Variants in CUBN observed in about 807,000 individuals in gnomAD.
The protein encoded by CUBN is 460 kDa receptor.
Under a neutral mutation model 405.3 loss-of-function variants are expected in CUBN, and 282 were observed. The ratio of observed to expected loss-of-function variants is 0.70; its 90% confidence interval spans 0.63 to 0.77. The LOEUF (loss-of-function observed/expected upper bound fraction) is 0.77, where lower values mean the gene tolerates loss of function less well. CUBN is among the 30% of genes least tolerant of loss of function. The pLI is 0.00. For synonymous variants in CUBN, 1,684 were observed against 1,617.0 expected (o/e 1.04, Z -0.99); for missense variants, 4,514 against 4,475.2 (o/e 1.01, Z -0.25).
intron 31 of CUBN, among the ~76,000 whole-genome samples, chr10:16,976,163 G>C (rs1833086717): frequency 6.6e-6 from 1 of 151,372 alleles, no homozygotes; most frequent in Non-Finnish European, 1.5e-5. Flanking sequence ...GTAGAGACAG[G>C]GTCTCACTAC....
At position 17,027,358 on chromosome 10, in the gene CUBN, A is replaced by G. The variant is rs190970585; in HGVS notation, c.4018-7375T>C. 7.2e-4 allele frequency among the ~76,000 whole-genome samples: 110 copies of G among 152,336 alleles called. 1 individual carries two copies. The East Asian group carries it at 0.017, about 23-fold the overall frequency. On this transcript the variant is annotated intron_variant, in intron 27 of 66. Coordinates refer to ENST00000377833, the MANE Select transcript of CUBN (RefSeq NM_001081.4). ...TAATAAATAACATGGGGAAATAGTC[A>G]CAAGCTATTGTTAGGTGAAAAAAGT... is the stretch of plus-strand genomic sequence containing the variant.
chr10:17,037,925 T>G lies in CUBN; in HGVS notation c.4017+3108A>C, dbSNP rs1834933441. On this transcript the variant is annotated intron_variant, in intron 27 of 66. Coordinates refer to ENST00000377833, the MANE Select transcript of CUBN (RefSeq NM_001081.4). ...CTCTCTCGACTGCTCTTCCCTTGGC[T>G]CCCATGACACAGTCACCTTTTTTTT... is the stretch of plus-strand genomic sequence containing the variant. Among the ~76,000 whole-genome samples, 2 of 144,224 alleles carry G rather than the reference T, an allele frequency of 1.4e-5. 1 individual carries two copies. Among genetic ancestry groups the G allele is most frequent in the South Asian group, 4.4e-4 (2 of 4,570 alleles). 94.6% of individuals were successfully genotyped at this position (144,224 alleles called of 152,430 possible).
intron 51 of CUBN, among the ~76,000 whole-genome samples, 162 bp from the exon 52 acceptor site, chr10:16,901,621 A>T (rs977168901): frequency 1.3e-5 from 2 of 152,110 alleles, no homozygotes; most frequent in African/African-American, 4.8e-5. Flanking sequence ...TGGGAGGCCG[A>T]AGTGGGCAAA....
chr10:17,103,675 T>C (rs1836552111), intron 12 of CUBN, among the ~76,000 whole-genome samples: 1 of 152,212 alleles, frequency 6.6e-6, no homozygotes, highest in African/African-American at 2.4e-5. Context: ...GTCCTAAACA[T>C]ATAACAACAA....
At chr10:17,116,615 G>C (rs988646479) in intron 6 of CUBN, among the ~76,000 whole-genome samples, 3 of 152,240 alleles carry the variant, frequency 2.0e-5, no homozygotes, top group African/African-American at 7.2e-5. Context: ...ATTTTAACAA[G>C]ACACAGTGAG....
intron 31 of CUBN, among the ~76,000 whole-genome samples, chr10:16,978,662 C>G (rs1833170292): frequency 1.3e-5 from 2 of 152,120 alleles, no homozygotes; most frequent in African/African-American, 4.8e-5. Context: ...AGGAAACTAT[C>G]AGGACACTAA....
chr10:17,009,921 C>T (rs1300797541), intron 28 of CUBN, among the ~76,000 whole-genome samples: 1 of 152,240 alleles, frequency 6.6e-6, no homozygotes, highest in East Asian at 1.9e-4. Context: ...CTTTCAACAT[C>T]TCAGAAGGAT....
At chr10:17,023,894 T>C (rs1834577503) in intron 27 of CUBN, among the ~76,000 whole-genome samples, 1 of 152,206 alleles carries the variant, frequency 6.6e-6, no homozygotes, top group Non-Finnish European at 1.5e-5. Context: ...GAGATGTGTA[T>C]ATTACAAAAC....
intron 4 of CUBN, among the ~76,000 whole-genome samples, chr10:17,124,991 C>T (rs936709076): frequency 6.6e-6 from 1 of 152,010 alleles, no homozygotes; most frequent in African/African-American, 2.4e-5. Context: ...CCCACTACGC[C>T]TGGCTAATTT....
chr10:16,870,714 C>T (rs1408489117), intron 58 of CUBN, among the ~76,000 whole-genome samples: 1 of 152,182 alleles, frequency 6.6e-6, no homozygotes, highest in Non-Finnish European at 1.5e-5. Flanking sequence ...CCATGCCAGG[C>T]CACACTGAAC....
chr10:17,016,036 C>T lies in CUBN; in HGVS notation c.4168+3797G>A, dbSNP rs114151743. ...ATGCCTCCAGATTTTGTTCAGGACCCAGGGCTCGCTTCTGGAGCCCTCTCC... is the reference window on the plus strand; with the variant it reads ...ATGCCTCCAGATTTTGTTCAGGACCTAGGGCTCGCTTCTGGAGCCCTCTCC... On this transcript the variant is annotated intron_variant, in intron 28 of 66. Coordinates refer to ENST00000377833, the MANE Select transcript of CUBN (RefSeq NM_001081.4). Among the ~76,000 whole-genome samples the T allele has an allele frequency of 8.5e-3, 1,292 of 152,254 alleles. 15 individuals are homozygous for T. The highest frequency in any genetic ancestry group is 0.029 in the African/African-American group (1,213 of 41,534).
At chr10:16,896,660 T>C (rs1841191211) in intron 54 of CUBN, among the ~76,000 whole-genome samples, 3 of 152,232 alleles carry the variant, frequency 2.0e-5, no homozygotes, top group South Asian at 4.1e-4. Context: ...TGTGTTTATC[T>C]TGGTTTAGGT....
intron 28 of CUBN, among the ~76,000 whole-genome samples, chr10:17,004,362 C>T (rs1257629558): frequency 6.6e-6 from 1 of 152,180 alleles, no homozygotes; most frequent in Non-Finnish European, 1.5e-5. Context: ...CCAAATTCAC[C>T]AACATGTAGT....
intron 17 of CUBN, among the ~76,000 whole-genome samples, chr10:17,073,160 G>C (rs1192841779): frequency 1.3e-5 from 2 of 152,082 alleles, no homozygotes; most frequent in Non-Finnish European, 2.9e-5. Context: ...ACTATAGACT[G>C]ATGTCACCTA....
In CUBN at chr10:16,984,173, A is replaced by C. The variant is rs1363188190; in HGVS notation, c.4457T>G (p.Ile1486Ser). The change falls in exon 30 of 67, where the codon ATT becomes AGT. Residue 1486 changes from isoleucine (I) to serine (S), a missense_variant. Physicochemically the swap from Ile to Ser is moderately radical, Grantham distance 142. Transcript: ENST00000377833. Reference protein sequence around the residue: ...QVSSTGNELAIRFKTDLSING... With the variant: ...QVSSTGNELASRFKTDLSING... ...TATGGACAAGTCGGTCTTGAATCGA[A>C]TTGCTAGCTCATTTCCAGTGCTGGA... The C allele has an allele frequency of 2.5e-6, 4 of 1,614,062 alleles. No individual in the cohort carries two copies. Among genetic ancestry groups the C allele is most frequent in the Non-Finnish European group, 3.4e-6 (4 of 1,180,050 alleles).
intron 56 of CUBN, among the ~76,000 whole-genome samples, chr10:16,884,461 T>G (rs11254260): frequency 6.6e-6 from 1 of 152,028 alleles, no homozygotes; most frequent in African/African-American, 2.4e-5. Flanking sequence ...AATTTTGGAC[T>G]GTTTAATATT....
intron 19 of CUBN, among the ~76,000 whole-genome samples, chr10:17,070,162 T>C (rs879269056): frequency 2.0e-5 from 3 of 152,236 alleles, no homozygotes; most frequent in Non-Finnish European, 4.4e-5. Context: ...ATCATTTTCA[T>C]ATATCAATTG....
chr10:16,946,356 T>A (rs899472174), intron 36 of CUBN, among the ~76,000 whole-genome samples: 1 of 152,184 alleles, frequency 6.6e-6, no homozygotes, highest in Admixed American at 6.5e-5. Flanking sequence ...AGGATCCTAC[T>A]ACTAATTCCA....
chr10:16,969,031 C>A, intron 31 of CUBN, among the ~76,000 whole-genome samples: 1 of 152,196 alleles, frequency 6.6e-6, no homozygotes, highest in Admixed American at 6.5e-5. Flanking sequence ...TCAAAAAATC[C>A]AGTTTTTCCC....
Sources: allele counts gnomAD v4.1 joint callset (sites outside exome capture counted in the v4.1 genomes callset), GRCh38; gene constraint gnomAD v4.1.1; transcripts MANE v1.5; gene names NCBI Gene and HGNC (gene_info 2026-07-23, HGNC 2026-07-21).